The following TBC1D5 variants were observed in gnomAD, a reference collection of about 807,000 sequenced individuals.
The protein encoded by TBC1D5 is TBC1 domain family, member 5.
In TBC1D5, 75 loss-of-function variants were observed where a neutral mutation model predicts 100.3. The observed-to-expected ratio is 0.75, with a 90% CI of 0.62 to 0.91. TBC1D5 has a LOEUF of 0.91. Ranked by LOEUF, TBC1D5 falls within the 40% of genes least tolerant of loss-of-function variation. TBC1D5 has a pLI of 0.00. For missense variants in TBC1D5, 910 were observed against 942.4 expected, an observed-to-expected ratio of 0.97 and a Z score of 0.45; for synonymous variants, 323 against 325.6, an observed-to-expected ratio of 0.99 and a Z score of 0.09.
At chr3:17,546,256 CCTAT>C (rs1465165153) in intron 2 of TBC1D5, among the ~76,000 whole-genome samples, 1 of 152,074 alleles carries the variant, frequency 6.6e-6, no homozygotes, top group Non-Finnish European at 1.5e-5. Context: ...TCATAGAAAT[CCTAT>C]CTAAGATTCC....
intron 16 of TBC1D5, among the ~76,000 whole-genome samples, chr3:17,249,271 G>C (rs924808661): frequency 9.2e-5 from 14 of 152,186 alleles, no homozygotes; most frequent in African/African-American, 3.4e-4. Flanking sequence ...GAGAGATCTA[G>C]CTTGCGACCC....
At chr3:17,248,906 C>T (rs1290173964) in intron 16 of TBC1D5, among the ~76,000 whole-genome samples, 2 of 152,144 alleles carry the variant, frequency 1.3e-5, no homozygotes, top group Non-Finnish European at 2.9e-5. Context: ...CTGGATAACT[C>T]GCTGCAGCTT....
chr3:17,288,961 TA>T (rs1477813974), intron 15 of TBC1D5, among the ~76,000 whole-genome samples: 1 of 152,184 alleles, frequency 6.6e-6, no homozygotes, highest in East Asian at 1.9e-4. Context: ...ACAGAGCTGT[TA>T]ACACGCTGCA....
chr3:17,448,040 T>C (rs1211753581), intron 3 of TBC1D5, among the ~76,000 whole-genome samples: 1 of 152,196 alleles, frequency 6.6e-6, no homozygotes, highest in Non-Finnish European at 1.5e-5. Flanking sequence ...TGTGCACCTG[T>C]AGTCTCAGTA....
rs184416398 is a variant in TBC1D5, at chr3:17,455,516, A to G, written c.98-26997T>C. 2.8e-3 allele frequency among the ~76,000 whole-genome samples: 309 copies of G among 109,116 alleles called. 5 individuals are homozygous for G. The East Asian group carries it at 0.043, about 15-fold the overall frequency. The allele number at this position is 109,116 out of a possible 152,430, so 71.6% of individuals were successfully genotyped here. A position where few individuals can be genotyped will look rare whatever the true frequency, so the allele number is the denominator to read the frequency against. On this transcript the variant is annotated intron_variant, in intron 3 of 21. Coordinates refer to ENST00000253692, the Ensembl canonical transcript of TBC1D5. Reference sequence around the variant, plus strand: ...TGTATATATATATGTGTGTGTGTATATATATATATATATATGTGTGTGTGT... The same window carrying G: ...TGTATATATATATGTGTGTGTGTATGTATATATATATATATGTGTGTGTGT...
At chr3:17,644,625 T>C (rs1356805881) in intron 1 of TBC1D5, among the ~76,000 whole-genome samples, 2 of 152,168 alleles carry the variant, frequency 1.3e-5, no homozygotes, top group Non-Finnish European at 2.9e-5. Flanking sequence ...CTACACATTT[T>C]AATTACTTCT....
At chr3:17,647,292 C>T (rs970183841) in intron 1 of TBC1D5, among the ~76,000 whole-genome samples, 2 of 152,028 alleles carry the variant, frequency 1.3e-5, no homozygotes, top group African/African-American at 4.8e-5. Flanking sequence ...CCTCATGAAG[C>T]TTACAAGCTT....
At chr3:17,297,211 A>G (rs2082337001) in intron 14 of TBC1D5, among the ~76,000 whole-genome samples, 1 of 152,240 alleles carries the variant, frequency 6.6e-6, no homozygotes, top group African/African-American at 2.4e-5. Context: ...TTAAGTGCAC[A>G]GGCTTCTGTT....
intron 1 of TBC1D5, among the ~76,000 whole-genome samples, chr3:17,704,509 CG>C (rs2073701113): frequency 8.8e-6 from 1 of 113,330 alleles, no homozygotes; most frequent in African/African-American, 3.2e-5. Context: ...CGGGCAGAGG[CG>C]CCCCTCACCT....
Position 17,219,852 on chromosome 3 carries a change from GAA to G in TBC1D5, c.1589-5484_1589-5483del, listed in dbSNP as rs533573157. 2.8e-3 allele frequency among the ~76,000 whole-genome samples: 428 copies of G among 152,150 alleles called. 2 individuals are homozygous for G. The highest frequency in any genetic ancestry group is 9.6e-3 in the African/African-American group (400 of 41,542). ...TCCTTTGGTTAACTTCCAGAGTTCT[GAA>G]AAAGTTTATTTTGATCATTTTTTGT... is the stretch of plus-strand genomic sequence containing the variant. On this transcript the variant is annotated intron_variant, in intron 17 of 21. Coordinates refer to ENST00000253692, the Ensembl canonical transcript of TBC1D5.
At chr3:17,722,786 T>A (rs1433581107) in intron 1 of TBC1D5, among the ~76,000 whole-genome samples, 1 of 152,192 alleles carries the variant, frequency 6.6e-6, no homozygotes, top group Non-Finnish European at 1.5e-5. Context: ...TTAATCCAGA[T>A]CCATTTAACT....
At chr3:17,512,972 A>G (rs1315758184) in intron 2 of TBC1D5, among the ~76,000 whole-genome samples, 5 of 152,218 alleles carry the variant, frequency 3.3e-5, no homozygotes, top group Non-Finnish European at 5.9e-5. Flanking sequence ...GTAAGCGTTC[A>G]GCACTAAAGC....
At chr3:17,257,729 C>A (rs569965047) in intron 16 of TBC1D5, among the ~76,000 whole-genome samples, 1 of 152,208 alleles carries the variant, frequency 6.6e-6, no homozygotes, top group Admixed American at 6.5e-5. Flanking sequence ...AACAGCAGAA[C>A]ACATTGTGTA....
chr3:17,482,539 T>C (rs1489385304), intron 3 of TBC1D5, among the ~76,000 whole-genome samples: 1 of 152,218 alleles, frequency 6.6e-6, no homozygotes, highest in Non-Finnish European at 1.5e-5. Context: ...GAAATTCATA[T>C]TCAATGTTTA....
intron 15 of TBC1D5, among the ~76,000 whole-genome samples, chr3:17,287,797 C>A (rs2081318758): frequency 6.6e-6 from 1 of 152,146 alleles, no homozygotes; most frequent in African/African-American, 2.4e-5. Flanking sequence ...AATGTATTCT[C>A]CACTGAGCAA....
chr3:17,245,075 C>A (rs1031937003), intron 16 of TBC1D5, among the ~76,000 whole-genome samples: 40 of 149,710 alleles, frequency 2.7e-4, no homozygotes, highest in African/African-American at 9.8e-4. Flanking sequence ...CACCTGTAGT[C>A]CCAGCTACTT....
At chr3:17,699,801 A>G (rs2072857045) in intron 1 of TBC1D5, among the ~76,000 whole-genome samples, 1 of 151,108 alleles carries the variant, frequency 6.6e-6, no homozygotes, top group Non-Finnish European at 1.5e-5. Context: ...TTAAAGGAGT[A>G]CTGTGTCAAG....
chr3:17,216,170 T>C (rs899328556), intron 17 of TBC1D5, among the ~76,000 whole-genome samples: 1 of 152,088 alleles, frequency 6.6e-6, no homozygotes, highest in African/African-American at 2.4e-5. Flanking sequence ...TAAGGAAATA[T>C]TTGTGACTTC....
intron 2 of TBC1D5, among the ~76,000 whole-genome samples, chr3:17,534,718 C>A (rs1246881990): frequency 6.6e-6 from 1 of 152,180 alleles, no homozygotes; most frequent in Non-Finnish European, 1.5e-5. Context: ...TCAAATCATT[C>A]TATTTCCCAT....
Sources: allele counts gnomAD v4.1 joint callset (sites outside exome capture counted in the v4.1 genomes callset), GRCh38; gene constraint gnomAD v4.1.1; transcripts MANE v1.5; gene names NCBI Gene and HGNC (gene_info 2026-07-23, HGNC 2026-07-21).